ADGRV1: variants seen among roughly 807,000 people sequenced by gnomAD.
ADGRV1 encodes the protein G-protein coupled receptor 98.
In ADGRV1, 359 loss-of-function variants were observed where a neutral mutation model predicts 596.2. The observed-to-expected ratio is 0.60, with a 90% CI of 0.55 to 0.66. The LOEUF is 0.66. Among genes scored for constraint, ADGRV1 ranks in the 30% least tolerant of loss-of-function variants. The pLI is 0.00. For missense variants in ADGRV1, 7,274 were observed against 7,575.6 expected (o/e 0.96, Z 1.48); for synonymous variants, 2,681 against 2,679.2 (o/e 1.00, Z -0.02).
chr5:91,065,232 G>A (rs571707671), intron 85 of ADGRV1, among the ~76,000 whole-genome samples: 1 of 152,110 alleles, frequency 6.6e-6, no homozygotes, highest in Non-Finnish European at 1.5e-5. Flanking sequence ...AGTGACAAAT[G>A]TATCTTTTAA....
At chr5:91,063,452 G>A (rs1787623360) in intron 85 of ADGRV1, among the ~76,000 whole-genome samples, 1 of 152,034 alleles carries the variant, frequency 6.6e-6, no homozygotes, top group Non-Finnish European at 1.5e-5. Flanking sequence ...TTTAGTAGTG[G>A]TATTTTCATT....
At chr5:90,722,678 G>T (rs949996439) in intron 45 of ADGRV1, among the ~76,000 whole-genome samples, 1 of 113,656 alleles carries the variant, frequency 8.8e-6, no homozygotes, top group Admixed American at 1.3e-4. Flanking sequence ...TCGCACCATT[G>T]CACTCCAGCC....
Position 90,781,737 on chromosome 5 carries a change from T to G in ADGRV1, c.13231+159T>G, listed in dbSNP as rs190527024. The stretch of plus-strand genomic sequence containing the variant: ...ATTTATTTACTTATTTGAAATACAT[T>G]TTCAGTTATCTTTGGGTAGTCTTGA... On this transcript the variant is annotated intron_variant, in intron 65 of 89. Coordinates refer to ENST00000405460, the MANE Select transcript of ADGRV1 (RefSeq NM_032119.4). 4.1e-4 allele frequency among the ~76,000 whole-genome samples: 63 copies of G among 152,264 alleles called. 1 individual carries two copies. The East Asian group carries it at 0.011, about 27-fold the overall frequency.
chr5:90,993,057 C>A (rs1308875364), intron 85 of ADGRV1, among the ~76,000 whole-genome samples: 4 of 151,558 alleles, frequency 2.6e-5, no homozygotes, highest in Admixed American at 2.6e-4. Flanking sequence ...TGTCTTTTTT[C>A]TACTCTGAAA....
intron 87 of ADGRV1, among the ~76,000 whole-genome samples, chr5:91,146,237 A>G (rs1294354824): frequency 6.6e-6 from 1 of 152,238 alleles, no homozygotes; most frequent in Non-Finnish European, 1.5e-5. Flanking sequence ...TACAAGAGGC[A>G]CAATTTAACA....
intron 59 of ADGRV1, among the ~76,000 whole-genome samples, chr5:90,766,268 C>CT (rs1757134936): frequency 6.6e-6 from 1 of 152,038 alleles, no homozygotes; most frequent in Admixed American, 6.5e-5. Context: ...CTACCCCTCT[C>CT]TCACATTTTT....
chr5:91,134,963 C>T (rs991405953), intron 87 of ADGRV1, among the ~76,000 whole-genome samples: 3 of 152,020 alleles, frequency 2.0e-5, no homozygotes, highest in Non-Finnish European at 4.4e-5. Context: ...GGGCAGATCA[C>T]TTGAGGTCAG....
intron 73 of ADGRV1, 39 bp from the exon 74 acceptor site, chr5:90,810,194 T>A (rs938929468): frequency 4.1e-6 from 6 of 1,476,550 alleles, no homozygotes; most frequent in East Asian, 2.5e-5. Context: ...TCCTATTTTT[T>A]AAAAAATCAA....
intron 21 of ADGRV1, among the ~76,000 whole-genome samples, chr5:90,660,976 A>T (rs1183085137): frequency 6.6e-6 from 1 of 152,148 alleles, no homozygotes; most frequent in Non-Finnish European, 1.5e-5. Flanking sequence ...AATAAACTAT[A>T]ATTGAAAGAA....
At chr5:90,667,516 A>G (rs1771649460) in intron 21 of ADGRV1, among the ~76,000 whole-genome samples, 1 of 146,568 alleles carries the variant, frequency 6.8e-6, no homozygotes, top group Non-Finnish European at 1.5e-5. Flanking sequence ...ATTCTTCTAA[A>G]TTTTTTTCAA....
At chr5:90,902,733 CT>C (rs1298033280) in intron 83 of ADGRV1, among the ~76,000 whole-genome samples, 4 of 152,108 alleles carry the variant, frequency 2.6e-5, no homozygotes, top group Admixed American at 1.3e-4. Flanking sequence ...TAATTAGGCT[CT>C]TTTTGGCTGA....
rs114385923 is a variant in ADGRV1 at position 90,959,336 on chromosome 5, G to A, written c.17857-6079G>A. On this transcript the variant is annotated intron_variant, in intron 83 of 89. Transcript: ENST00000405460. ...GGACAACTACAAAACACTGCTGAGA[G>A]AAGCTAGAGAAGACCTAAATAAATG... Among the ~76,000 whole-genome samples, 1,372 of 152,108 alleles carry A rather than the reference G, an allele frequency of 9.0e-3. 20 individuals are homozygous for A. The highest frequency in any genetic ancestry group is 0.032 in the African/African-American group (1,322 of 41,498).
intron 1 of ADGRV1, 60 bp downstream of exon 1, chr5:90,558,977 G>A: frequency 2.7e-6 from 4 of 1,467,216 alleles, no homozygotes; most frequent in Non-Finnish European, 3.7e-6. Context: ...GAGCGCCTCA[G>A]CATCAGCACC....
chr5:90,785,235 A>G (rs896304849), intron 67 of ADGRV1, among the ~76,000 whole-genome samples: 1 of 152,198 alleles, frequency 6.6e-6, no homozygotes, highest in Non-Finnish European at 1.5e-5. Flanking sequence ...CCTTCCTTAC[A>G]CCTTAGACAA....
chr5:90,960,148 A>AAC (rs1554177138), intron 83 of ADGRV1, among the ~76,000 whole-genome samples: 1 of 139,566 alleles, frequency 7.2e-6, no homozygotes, highest in African/African-American at 2.9e-5. Context: ...AAAAAAAAAA[A>AAC]AAAAACAAAA....
At chr5:90,641,768 G>A (rs1286119990) in intron 11 of ADGRV1, among the ~76,000 whole-genome samples, 1 of 152,086 alleles carries the variant, frequency 6.6e-6, no homozygotes, top group African/African-American at 2.4e-5. Flanking sequence ...TCAATAGGAC[G>A]TGACATTTCG....
intron 1 of ADGRV1, among the ~76,000 whole-genome samples, chr5:90,563,350 A>C (rs1755116787): frequency 6.6e-6 from 1 of 152,212 alleles, no homozygotes; most frequent in African/African-American, 2.4e-5. Context: ...ATCCTTTCCA[A>C]GTAGCCTTCT....
intron 11 of ADGRV1, among the ~76,000 whole-genome samples, chr5:90,641,225 A>G (rs1371458572): frequency 2.6e-5 from 4 of 152,130 alleles, no homozygotes; most frequent in African/African-American, 9.7e-5. Flanking sequence ...TTTTTACCCA[A>G]TGTCTTTTAT....
chr5:90,835,002 C>T (rs1182453025), intron 77 of ADGRV1, among the ~76,000 whole-genome samples: 1 of 149,940 alleles, frequency 6.7e-6, no homozygotes, highest in Non-Finnish European at 1.5e-5. Flanking sequence ...TCTTATTCTT[C>T]CAATCCGTGA....
Sources: allele counts gnomAD v4.1 joint callset (sites outside exome capture counted in the v4.1 genomes callset), GRCh38; gene constraint gnomAD v4.1.1; transcripts MANE v1.5; gene names NCBI Gene and HGNC (gene_info 2026-07-23, HGNC 2026-07-21).